Variants in GRIK1 observed in about 807,000 individuals in gnomAD.
GRIK1 encodes glutamate receptor ionotropic, kainate 1.
A neutral mutation model predicts 105.7 loss-of-function variants in GRIK1; 69 were observed. The ratio of observed to expected loss-of-function variants is 0.65; its 90% confidence interval spans 0.54 to 0.80. GRIK1 has a LOEUF of 0.80. Among genes scored for constraint, GRIK1 ranks in the 30% least tolerant of loss-of-function variants. The pLI is 0.00. For missense variants in GRIK1, 1,109 were observed against 1,167.3 expected (o/e 0.95, Z 0.73); for synonymous variants, 438 against 431.3 (o/e 1.02, Z -0.19).
intron 1 of GRIK1, among the ~76,000 whole-genome samples, chr21:29,731,764 T>A (rs777327532): frequency 5.3e-5 from 8 of 152,228 alleles, no homozygotes; most frequent in Non-Finnish European, 8.8e-5. Flanking sequence ...GGCTTCATCT[T>A]CAACATCATC....
intron 1 of GRIK1, among the ~76,000 whole-genome samples, chr21:29,699,739 C>T (rs1211122153): frequency 1.3e-5 from 2 of 151,752 alleles, no homozygotes; most frequent in Admixed American, 1.3e-4. Context: ...ACCTCCAGCT[C>T]CCGGGTTCAA....
intron 1 of GRIK1, among the ~76,000 whole-genome samples, chr21:29,811,016 A>G (rs1273248577): frequency 1.3e-5 from 2 of 152,110 alleles, no homozygotes; most frequent in Non-Finnish European, 2.9e-5. Context: ...AGGCAATTTC[A>G]ACTGTTTATT....
intron 1 of GRIK1, among the ~76,000 whole-genome samples, chr21:29,695,282 G>A (rs2063673542): frequency 6.6e-6 from 1 of 152,080 alleles, no homozygotes; most frequent in Admixed American, 6.5e-5. Context: ...AATAGACACA[G>A]GGCCTACAGT....
chr21:29,822,832 C>T (rs1207361627), intron 1 of GRIK1, among the ~76,000 whole-genome samples: 1 of 151,998 alleles, frequency 6.6e-6, no homozygotes. Context: ...TCTATTTTTA[C>T]TAGCTTGCTA....
chr21:29,927,508 T>A (rs1011069931), intron 1 of GRIK1, among the ~76,000 whole-genome samples: 1 of 150,104 alleles, frequency 6.7e-6, no homozygotes, highest in Non-Finnish European at 1.5e-5. Context: ...ATAATATATA[T>A]ATAAATTGAA....
intron 1 of GRIK1, among the ~76,000 whole-genome samples, chr21:29,806,502 T>G (rs939322446): frequency 6.6e-6 from 1 of 152,138 alleles, no homozygotes; most frequent in Admixed American, 6.6e-5. Context: ...TAAAACGTAA[T>G]GTCATTTGAC....
In GRIK1 at chr21:29,537,154, C is replaced by T. The variant is rs1313634762; in HGVS notation, c.*76G>A. 2.5e-5 allele frequency: 25 copies of T among 987,192 alleles called. No individual in the cohort carries two copies. Among genetic ancestry groups the T allele is most frequent in the Non-Finnish European group, 3.6e-5 (24 of 670,042 alleles). 61.2% of individuals were successfully genotyped at this position (987,192 alleles called of 1,614,324 possible). A position where few individuals can be genotyped will look rare whatever the true frequency, so the allele number is the denominator to read the frequency against. ...GATATAGATATATGGAAACACATCA[C>T]ACACTCCTCAGAAATCCTTTCTCCA... On this transcript the variant is annotated 3_prime_UTR_variant, in exon 18 of 18. Coordinates refer to ENST00000327783, the MANE Select transcript of GRIK1 (RefSeq NM_001330994.2).
intron 1 of GRIK1, among the ~76,000 whole-genome samples, chr21:29,857,629 T>C (rs1479099081): frequency 2.2e-5 from 3 of 138,096 alleles, no homozygotes; most frequent in Non-Finnish European, 3.1e-5. Flanking sequence ...ATAATTTTCA[T>C]TGTTATGAAA....
chr21:29,583,540 G>A (rs1377073242), intron 12 of GRIK1, among the ~76,000 whole-genome samples: 3 of 152,106 alleles, frequency 2.0e-5, no homozygotes, highest in Non-Finnish European at 2.9e-5. Flanking sequence ...CCATCGATGA[G>A]CTCATCACTT....
chr21:29,766,730 C>T (rs1162240896), intron 1 of GRIK1, among the ~76,000 whole-genome samples: 1 of 152,136 alleles, frequency 6.6e-6, no homozygotes, highest in Non-Finnish European at 1.5e-5. Flanking sequence ...TCTCTGAAAA[C>T]TTGTTTGTAT....
chr21:29,621,966 GT>G (rs2062016341), intron 7 of GRIK1, among the ~76,000 whole-genome samples: 1 of 148,632 alleles, frequency 6.7e-6, no homozygotes, highest in African/African-American at 2.5e-5. Flanking sequence ...TTTTTTTTGA[GT>G]TGGAGTTTCG....
At chr21:29,588,797 CTT>C (rs764508244) in intron 11 of GRIK1, 40 bp downstream of exon 11, 3 of 1,045,546 alleles carry the variant, frequency 2.9e-6, no homozygotes, top group East Asian at 4.8e-5. Flanking sequence ...CTTACTTTCT[CTT>C]ATGCATATTT....
chr21:29,648,996 T>A lies in GRIK1; in HGVS notation c.954+2122A>T, dbSNP rs150437183. 4.6e-5 allele frequency among the ~76,000 whole-genome samples: 7 copies of A among 152,308 alleles called. No homozygotes were observed. The East Asian group carries it at 1.2e-3, about 25-fold the overall frequency. On this transcript the variant is annotated intron_variant, in intron 6 of 17. Coordinates refer to ENST00000327783, the MANE Select transcript of GRIK1 (RefSeq NM_001330994.2). ...GAGGCAACTTGACAGCAAAGATTTG[T>A]TAGCTTTGGGCCTGGGTTTGGGGTC...
At chr21:29,807,399 G>A (rs1489838631) in intron 1 of GRIK1, among the ~76,000 whole-genome samples, 2 of 152,058 alleles carry the variant, frequency 1.3e-5, no homozygotes, top group Non-Finnish European at 2.9e-5. Flanking sequence ...GATGGAACCA[G>A]GAAGGCAAGT....
intron 7 of GRIK1, chr21:29,630,754 T>TTGTGTG (rs140883938): frequency 8.2e-6 from 3 of 365,854 alleles, no homozygotes; most frequent in Non-Finnish European, 1.6e-5. Flanking sequence ...CATCCCTAGT[T>TTGTGTG]TGTGTGTGTG....
intron 1 of GRIK1, among the ~76,000 whole-genome samples, chr21:29,767,378 A>G (rs1202428796): frequency 6.6e-6 from 1 of 152,136 alleles, no homozygotes; most frequent in Non-Finnish European, 1.5e-5. Context: ...TCTTTTGAAC[A>G]TTTTCTATAA....
chr21:29,831,878 C>A (rs911414491), intron 1 of GRIK1, among the ~76,000 whole-genome samples: 2 of 152,106 alleles, frequency 1.3e-5, no homozygotes, highest in Non-Finnish European at 2.9e-5. Context: ...AACATTACCT[C>A]AAAAATCTAC....
At chr21:29,572,043 G>T (rs1250407866) in intron 14 of GRIK1, among the ~76,000 whole-genome samples, 1 of 152,166 alleles carries the variant, frequency 6.6e-6, no homozygotes, top group East Asian at 1.9e-4. Context: ...CTGGAGGAGG[G>T]AGACCCTGAT....
intron 7 of GRIK1, among the ~76,000 whole-genome samples, chr21:29,625,298 T>G (rs2062100215): frequency 6.6e-6 from 1 of 152,216 alleles, no homozygotes; most frequent in African/African-American, 2.4e-5. Flanking sequence ...GAAGTGAATG[T>G]GAGAAGTAAT....
Sources: gnomAD v4.1 joint callset for allele counts (sites outside exome capture counted in the v4.1 genomes callset) on GRCh38, gnomAD v4.1.1 for gene constraint, MANE v1.5 for transcripts, NCBI Gene and HGNC (gene_info 2026-07-23, HGNC 2026-07-21) for gene names.